Variants in RERE observed in about 807,000 individuals in gnomAD.
RERE encodes the protein arginine-glutamic acid dipeptide repeats.
RERE carries 40 observed loss-of-function variants against 146.1 expected under a neutral mutation model. The observed-to-expected ratio is 0.27, with a 90% CI of 0.21 to 0.36. The LOEUF (loss-of-function observed/expected upper bound fraction) is 0.36, where lower values mean the gene tolerates loss of function less well. Ranked by LOEUF, RERE falls within the 10% of genes least tolerant of loss-of-function variation. RERE has a pLI of 1.00. For missense variants in RERE, 1,933 were observed against 2,138.7 expected (o/e 0.90, Z 1.90); for synonymous variants, 1,003 against 866.0 (o/e 1.16, Z -2.78).
chr1:8,681,288 A>AG (rs2124396635), intron 1 of RERE, among the ~76,000 whole-genome samples: 1 of 152,320 alleles, frequency 6.6e-6, no homozygotes, highest in South Asian at 2.1e-4. Context: ...GATCTCATAT[A>AG]GGACTATTCA....
At chr1:8,743,049 TA>T (rs1384791675) in intron 1 of RERE, among the ~76,000 whole-genome samples, 1 of 152,070 alleles carries the variant, frequency 6.6e-6, no homozygotes, top group Non-Finnish European at 1.5e-5. Context: ...TTATAGAATT[TA>T]AAAGTGTGTG....
chr1:8,617,447 A>G (rs924748782), intron 3 of RERE, among the ~76,000 whole-genome samples: 2 of 152,080 alleles, frequency 1.3e-5, no homozygotes, highest in African/African-American at 2.4e-5. Context: ...GTCCTTGGAT[A>G]TAATAGCTGA....
At chr1:8,532,600 T>G (rs1295168038) in intron 7 of RERE, among the ~76,000 whole-genome samples, 1 of 151,926 alleles carries the variant, frequency 6.6e-6, no homozygotes, top group Admixed American at 6.6e-5. Context: ...TTATTATTTT[T>G]AATTTTTTTT....
Position 8,627,236 on chromosome 1 carries a change from C to G in RERE, c.326-2856G>C, listed in dbSNP as rs1347025197. Reference sequence around the variant, plus strand: ...TTATTTGGCAGTAAGGTGGTCTGCACTGTCCACTAACAATTACTATCAATC... The same window carrying G: ...TTATTTGGCAGTAAGGTGGTCTGCAGTGTCCACTAACAATTACTATCAATC... On this transcript the variant is annotated intron_variant, in intron 2 of 22. Transcript: ENST00000400908. 2.6e-5 allele frequency among the ~76,000 whole-genome samples: 4 copies of G among 152,140 alleles called. No individual in the cohort carries two copies. The East Asian group carries it at 7.7e-4, about 29-fold the overall frequency.
intron 4 of RERE, 147 bp from the exon 5 acceptor site, chr1:8,557,670 G>A: frequency 1.5e-6 from 1 of 647,130 alleles, no homozygotes. Context: ...CAATACATAA[G>A]TCAGTTATGA....
intron 10 of RERE, among the ~76,000 whole-genome samples, chr1:8,468,961 T>C (rs895967580): frequency 1.3e-5 from 2 of 152,054 alleles, no homozygotes; most frequent in Non-Finnish European, 1.5e-5. Context: ...CTATGGACTT[T>C]GGAGTCAAAC....
In RERE at chr1:8,772,352, G is replaced by A. The variant is rs1338638789; in HGVS notation, c.-145+44808C>T. On this transcript the variant is annotated intron_variant, in intron 1 of 22. Coordinates refer to ENST00000400908, the MANE Select transcript of RERE (RefSeq NM_001042681.2). ...TTATCCTCTTGAAGCATCATTCTAA[G>A]TAAAATCTTACAAAGTAAACTTACA... Among the ~76,000 whole-genome samples the A allele has an allele frequency of 4.0e-5, 6 of 151,890 alleles. 1 individual carries two copies. In the South Asian group the frequency reaches 1.2e-3, roughly 31 times the overall value.
intron 2 of RERE, among the ~76,000 whole-genome samples, chr1:8,632,288 C>G (rs759163475): frequency 2.6e-4 from 39 of 152,210 alleles, no homozygotes; most frequent in Non-Finnish European, 4.7e-4. Flanking sequence ...CTCGTCTGAT[C>G]TTCTGGTGTC....
chr1:8,732,700 T>G (rs950958034), intron 1 of RERE, among the ~76,000 whole-genome samples: 3 of 151,834 alleles, frequency 2.0e-5, no homozygotes, highest in Admixed American at 6.6e-5. Flanking sequence ...TTGTAACAGA[T>G]AAGCCACACT....
rs570625707 is a variant in RERE, at chr1:8,506,746, C to T, written c.879+1881G>A. Among the ~76,000 whole-genome samples, 3 of 152,334 alleles carry T rather than the reference C, an allele frequency of 2.0e-5. No homozygotes were observed. In the East Asian group the frequency reaches 5.8e-4, roughly 29 times the overall value. On this transcript the variant is annotated intron_variant, in intron 8 of 22. Transcript: ENST00000400908. Reference sequence around the variant, plus strand: ...GGACCTGCTGGGGAAATTTTCCTTGCTCCTAAGGGGAAAAGAAGTCCAATT... The same window carrying T: ...GGACCTGCTGGGGAAATTTTCCTTGTTCCTAAGGGGAAAAGAAGTCCAATT...
chr1:8,497,378 A>G (rs1350508635), intron 9 of RERE, 27 bp downstream of exon 9: 2 of 1,613,634 alleles, frequency 1.2e-6, no homozygotes, highest in African/African-American at 2.7e-5. Flanking sequence ...TAATTCAGAA[A>G]GCAGGATGGG....
intron 1 of RERE, among the ~76,000 whole-genome samples, chr1:8,778,561 G>A (rs1400876188): frequency 1.3e-5 from 2 of 152,172 alleles, no homozygotes; most frequent in East Asian, 3.9e-4. Flanking sequence ...AGTGGCTCGG[G>A]AGTGGTGGCT....
intron 1 of RERE, among the ~76,000 whole-genome samples, chr1:8,732,332 CAAGA>C (rs1288542192): frequency 5.3e-5 from 8 of 152,114 alleles, no homozygotes; most frequent in African/African-American, 1.4e-4. Context: ...CTCTAAAGAA[CAAGA>C]AAGAGGAACA....
At chr1:8,453,283 A>G (rs1644410140) in intron 11 of RERE, among the ~76,000 whole-genome samples, 1 of 152,202 alleles carries the variant, frequency 6.6e-6, no homozygotes, top group South Asian at 2.1e-4. Context: ...TTTCATTTCC[A>G]TGGACTGAAC....
intron 1 of RERE, among the ~76,000 whole-genome samples, chr1:8,763,607 C>G (rs1444697620): frequency 2.0e-5 from 3 of 152,088 alleles, no homozygotes; most frequent in African/African-American, 7.2e-5. Context: ...TGCACTCCAA[C>G]CTGGGCGACA....
intron 20 of RERE, among the ~76,000 whole-genome samples, chr1:8,357,402 C>A (rs1641336316): frequency 6.6e-6 from 1 of 152,204 alleles, no homozygotes; most frequent in Admixed American, 6.5e-5. Context: ...CGCCTGGTGC[C>A]TCCAAGCAAG....
Position 8,355,429 on chromosome 1 carries a change from C to T in RERE, c.4657G>A (p.Asp1553Asn), listed in dbSNP as rs1641250625. Residue 1553 changes from aspartate (D) to asparagine (N), a missense_variant, in exon 22 of 23, where the codon GAT becomes AAT. Around this residue, in one of 11 missense-constraint regions of RERE, gnomAD observed 133 missense variants for 168.6 expected, o/e 0.79. Coordinates refer to ENST00000400908, the MANE Select transcript of RERE (RefSeq NM_001042681.2). ...AGCACCCCACCTCACCTGTAATAATCTTCCTGACTTGGTAGGTGGCCACCA... is the reference window on the plus strand; with the variant it reads ...AGCACCCCACCTCACCTGTAATAATTTTCCTGACTTGGTAGGTGGCCACCA... ...MHGGHLPSQE[D>N]YYSRLKKEGD... The T allele has an allele frequency of 2.5e-6, 4 of 1,612,866 alleles. No homozygotes were observed. Among genetic ancestry groups the T allele is most frequent in the Admixed American group, 1.7e-5 (1 of 59,994 alleles).
intron 12 of RERE, among the ~76,000 whole-genome samples, chr1:8,371,233 T>C (rs1642023557): frequency 6.6e-6 from 1 of 151,984 alleles, no homozygotes; most frequent in Non-Finnish European, 1.5e-5. Flanking sequence ...CTTTTGGCGG[T>C]GGGGGGGCTA....
intron 2 of RERE, among the ~76,000 whole-genome samples, chr1:8,653,433 C>T (rs1046347794): frequency 6.6e-5 from 10 of 152,190 alleles, no homozygotes; most frequent in East Asian, 1.9e-4. Flanking sequence ...GTTGGCCAGG[C>T]GCGATGGCTC....
Sources: gnomAD v4.1 joint callset for allele counts (sites outside exome capture counted in the v4.1 genomes callset) on GRCh38, gnomAD v4.1.1 for gene constraint, gnomAD v4.1.1 regional missense constraint, MANE v1.5 for transcripts, NCBI Gene and HGNC (gene_info 2026-07-23, HGNC 2026-07-21) for gene names.